PLCXD1: variants seen among roughly 807,000 people sequenced by gnomAD.
PLCXD1 encodes the protein phosphatidylinositol specific phospholipase C X domain containing 1.
PLCXD1 carries 45 observed loss-of-function variants against 37.8 expected under a neutral mutation model. The ratio of observed to expected loss-of-function variants is 1.19; its 90% CI spans 0.94 to 1.53. PLCXD1 has a LOEUF of 1.53. Among genes scored for constraint, PLCXD1 ranks in the 40% most tolerant of loss-of-function variants. The probability of loss-of-function intolerance (pLI) is 0.00; values close to 1 mark genes in which losing one functional copy is unlikely to be tolerated. For synonymous variants in PLCXD1, 246 were observed against 206.9 expected (o/e 1.19, Z -1.62); for missense variants, 539 against 454.7 (o/e 1.19, Z -1.69).
At chrX:290,149 C>T (rs1026074620) in intron 3 of PLCXD1, among the ~76,000 whole-genome samples, 14 of 151,946 alleles carry the variant, frequency 9.2e-5, no homozygotes, top group African/African-American at 2.7e-4. Context: ...TAGTAGAGGC[C>T]GGGCGCGGTG....
intron 6 of PLCXD1, among the ~76,000 whole-genome samples, chrX:293,733 A>C (rs2069713144): frequency 6.6e-6 from 1 of 152,208 alleles, no homozygotes; most frequent in South Asian, 2.1e-4. Context: ...CAGCGGGCAC[A>C]AACCTTAAGA....
chrX:300,593 CAT>C lies in PLCXD1; in HGVS notation c.*1259_*1260del, dbSNP rs1331975255. 1 of 149,630 alleles carries C rather than the reference CAT, an allele frequency of 6.7e-6. No individual in the cohort carries two copies. The highest frequency in any genetic ancestry group is 1.5e-5 in the Non-Finnish European group (1 of 67,334). 9.3% of individuals were successfully genotyped at this position (149,630 alleles called of 1,614,324 possible). ...ATGTGTACATGTATATGTGTTTATA[CAT>C]GTATATGTGTGTATGCGTGTATACG... On this transcript the variant is annotated 3_prime_UTR_variant, in exon 7 of 7. Coordinates refer to ENST00000381657, the MANE Select transcript of PLCXD1 (RefSeq NM_018390.4).
At position 300,335 on chromosome X, in the gene PLCXD1, C is replaced by G. The variant is rs1485533947; in HGVS notation, c.*1000C>G. On this transcript the variant is annotated 3_prime_UTR_variant, in exon 7 of 7. Coordinates refer to ENST00000381657, the MANE Select transcript of PLCXD1 (RefSeq NM_018390.4). ...GCCGGCCTCCCCTGTCAGCCAACCC[C>G]TCAGCTAGTTCTCACACCAAGCCTA... 6.6e-6 allele frequency: 1 copy of G among 152,130 alleles called. No homozygotes were observed. Among genetic ancestry groups the G allele is most frequent in the South Asian group, 2.1e-4 (1 of 4,826 alleles). 9.4% of individuals were successfully genotyped at this position (152,130 alleles called of 1,614,324 possible).
chrX:300,617 TAC>T lies in PLCXD1; in HGVS notation c.*1283_*1284del, dbSNP rs2069987383. ...ACATGTATATGTGTGTATGCGTGTA[TAC>T]GTGTATGTATACATGTATATGTGTG... On this transcript the variant is annotated 3_prime_UTR_variant, in exon 7 of 7. Transcript: ENST00000381657. The T allele has an allele frequency of 6.6e-6, 1 of 152,214 alleles. No individual in the cohort carries two copies. The highest frequency in any genetic ancestry group is 2.4e-5 in the African/African-American group (1 of 41,526). The allele number at this position is 152,214 out of a possible 1,614,324, so 9.4% of individuals were successfully genotyped here.
rs1381427197 is a variant in PLCXD1, at chrX:302,542, T to C, written c.*3207T>C. On this transcript the variant is annotated 3_prime_UTR_variant, in exon 7 of 7. Transcript: ENST00000381657. ...CCGAGGAGCTGAGATTACAGGCGCG[T>C]GCCACCGTGCCTGGTTAATTTTGTA... is the stretch of plus-strand genomic sequence containing the variant. 6.6e-6 allele frequency: 1 copy of C among 151,780 alleles called. No individual in the cohort carries two copies. Among genetic ancestry groups the C allele is most frequent in the Non-Finnish European group, 1.5e-5 (1 of 67,978 alleles). 9.4% of individuals were successfully genotyped at this position (151,780 alleles called of 1,614,324 possible).
At chrX:296,867 A>C (rs867826309) in intron 6 of PLCXD1, among the ~76,000 whole-genome samples, 206 of 135,620 alleles carry the variant, frequency 1.5e-3, no homozygotes, top group African/African-American at 4.2e-3. Flanking sequence ...ATCTTTGGGG[A>C]CATTATTCTG....
chrX:280,336 GGGAGGCCGTGCA>G (rs2069238028), upstream of PLCXD1, among the ~76,000 whole-genome samples: 1 of 95,552 alleles, frequency 1.0e-5, no homozygotes, highest in Non-Finnish European at 2.3e-5. Flanking sequence ...GCAGGGGGAG[GGGAGGCCGTGCA>G]GGGGGAAGGG....
intron 6 of PLCXD1, among the ~76,000 whole-genome samples, chrX:293,643 G>T (rs1017799314): frequency 2.0e-5 from 3 of 152,142 alleles, no homozygotes; most frequent in Non-Finnish European, 4.4e-5. Flanking sequence ...TTGGCGGGGG[G>T]AGGGATCAAC....
chrX:299,209 G>A lies in PLCXD1; in HGVS notation c.846G>A (p.Ala282=), dbSNP rs772110477. 1.1e-5 allele frequency: 18 copies of A among 1,613,936 alleles called. No homozygotes were observed. In the East Asian group the frequency reaches 2.5e-4, roughly 22 times the overall value. ...MTLPNLPRLS[A]WVREQCPGPG... ...TGCCCAACCTTCCGCGGCTGAGCGCGTGGGTCCGAGAGCAGTGCCCGGGGC... is the reference window on the plus strand; with the variant it reads ...TGCCCAACCTTCCGCGGCTGAGCGCATGGGTCCGAGAGCAGTGCCCGGGGC... Residue 282 remains alanine, a synonymous_variant, in exon 7 of 7, where the codon GCG becomes GCA. Coordinates refer to ENST00000381657, the MANE Select transcript of PLCXD1 (RefSeq NM_018390.4).
chrX:276,991 C>T (rs1331640207), upstream of PLCXD1, among the ~76,000 whole-genome samples: 7 of 152,180 alleles, frequency 4.6e-5, no homozygotes, highest in African/African-American at 1.7e-4. Flanking sequence ...CTGGGCCCGT[C>T]CGTCATCTGC....
chrX:293,185 T>C lies in PLCXD1; in HGVS notation c.700T>C (p.Tyr234His), dbSNP rs1569564652. 4 of 1,612,540 alleles carry C rather than the reference T, an allele frequency of 2.5e-6. No individual in the cohort carries two copies. The highest frequency in any genetic ancestry group is 2.5e-6 in the Non-Finnish European group (3 of 1,179,690). The change falls in exon 6 of 7, where the codon TAC becomes CAC. Residue 234 changes from tyrosine (Y) to histidine (H), a missense_variant. Physicochemically the swap from Tyr to His is moderately conservative, Grantham distance 83. Transcript: ENST00000381657. ...NRVKTEALIR[Y>H]LETMKSCGRP... ...GGTGAAGACCGAGGCCCTCATCCGA[T>C]ACCTGGAGACCATGAAGAGCTGCGG...
In PLCXD1 at chrX:281,552, C is replaced by G. The variant is rs1377969134; in HGVS notation, c.-154C>G. On this transcript the variant is annotated 5_prime_UTR_variant, in exon 1 of 7. Transcript: ENST00000381657. ...TTATTACAGAACCTTGTGAAGCCAACGCGGGCAGCCGCCAGGAGCTGCAGA... is the reference window on the plus strand; with the variant it reads ...TTATTACAGAACCTTGTGAAGCCAAGGCGGGCAGCCGCCAGGAGCTGCAGA... 6.6e-6 allele frequency: 1 copy of G among 152,226 alleles called. No individual in the cohort carries two copies. The highest frequency in any genetic ancestry group is 2.1e-4 in the South Asian group (1 of 4,840). The allele number at this position is 152,226 out of a possible 1,614,324, so 9.4% of individuals were successfully genotyped here. A position where few individuals can be genotyped will look rare whatever the true frequency, so the allele number is the denominator to read the frequency against.
At chrX:295,606 C>G (rs2069780172) in intron 6 of PLCXD1, among the ~76,000 whole-genome samples, 1 of 151,580 alleles carries the variant, frequency 6.6e-6, no homozygotes, top group African/African-American at 2.4e-5. Context: ...CTCACTGCAA[C>G]CTCCGTCTCC....
intron 2 of PLCXD1, among the ~76,000 whole-genome samples, chrX:285,482 G>A (rs1166921641): frequency 6.6e-6 from 1 of 152,120 alleles, no homozygotes; most frequent in Non-Finnish European, 1.5e-5. Flanking sequence ...TTGCACCTAT[G>A]CACGCAGAGA....
rs1304450248 is a variant in PLCXD1 at position 291,601 on chromosome X, T to C, written c.496T>C (p.Tyr166His). Residue 166 changes from tyrosine (Y) to histidine (H), a missense_variant, in exon 5 of 7, where the codon TAC becomes CAC. Transcript: ENST00000381657. ...FEGLSEDLHE[Y>H]LVACIKNIFG... Reference sequence around the variant, plus strand: ...GGGGCTGAGCGAGGACCTGCACGAGTACCTGGTCGCCTGTATCAAGAACAT... The same window carrying C: ...GGGGCTGAGCGAGGACCTGCACGAGCACCTGGTCGCCTGTATCAAGAACAT... 1 of 1,612,916 alleles carries C rather than the reference T, an allele frequency of 6.2e-7. No homozygotes were observed. The highest frequency in any genetic ancestry group is 1.1e-5 in the South Asian group (1 of 91,024).
At position 303,030 on chromosome X, in the gene PLCXD1, G is replaced by A. The variant is rs1303090986; in HGVS notation, c.*3695G>A. ...GTTTCTCAGGATGATCCTCAAGAAC[G>A]TTATGGAGTCCATGTTGCAATAGGT... On this transcript the variant is annotated 3_prime_UTR_variant, in exon 7 of 7. Transcript: ENST00000381657. 2.0e-5 allele frequency: 3 copies of A among 152,150 alleles called. No individual in the cohort carries two copies. The highest frequency in any genetic ancestry group is 4.4e-5 in the Non-Finnish European group (3 of 68,036). 9.4% of individuals were successfully genotyped at this position (152,150 alleles called of 1,614,324 possible). A position where few individuals can be genotyped will look rare whatever the true frequency, so the allele number is the denominator to read the frequency against.
chrX:283,860 T>G, intron 1 of PLCXD1: 1 of 199,936 alleles, frequency 5.0e-6, no homozygotes, highest in East Asian at 1.3e-4. Flanking sequence ...AAGGACCCCT[T>G]TTCCTCTCTC....
chrX:279,124 G>A (rs1187312440), upstream of PLCXD1, among the ~76,000 whole-genome samples: 2 of 152,190 alleles, frequency 1.3e-5, no homozygotes, highest in African/African-American at 4.8e-5. Context: ...GGTGCGTGGT[G>A]CACAGATCAT....
intron 6 of PLCXD1, among the ~76,000 whole-genome samples, chrX:295,458 A>G (rs28490293): frequency 0.27 from 41,474 of 151,538 alleles, 7,532 homozygotes; most frequent in African/African-American, 0.53. Flanking sequence ...GGCCGGGCAA[A>G]GGAGCAGGTT....
Sources: gnomAD v4.1 joint callset for allele counts (sites outside exome capture counted in the v4.1 genomes callset) on GRCh38, gnomAD v4.1.1 for gene constraint, MANE v1.5 for transcripts, NCBI Gene and HGNC (gene_info 2026-07-23, HGNC 2026-07-21) for gene names.